Variants in TBC1D19 observed in about 807,000 individuals in gnomAD.
TBC1D19 encodes the protein TBC1 domain family, member 19.
Under a neutral mutation model 89.0 loss-of-function variants are expected in TBC1D19, and 60 were observed. The ratio of observed to expected loss-of-function variants is 0.67; its 90% CI spans 0.55 to 0.84. The LOEUF is 0.84. Ranked by LOEUF, TBC1D19 falls within the 40% of genes least tolerant of loss-of-function variation. The probability of loss-of-function intolerance (pLI) is 0.00; values close to 1 mark genes in which losing one functional copy is unlikely to be tolerated. For synonymous variants in TBC1D19, 189 were observed against 199.7 expected (o/e 0.95, Z 0.45); for missense variants, 500 against 610.8 (o/e 0.82, Z 1.91).
the TBC1D19 span, among the ~76,000 whole-genome samples, chr4:26,808,372 G>T: frequency 3.3e-5 from 5 of 152,242 alleles, no homozygotes; most frequent in East Asian, 5.8e-4. Flanking sequence ...CAGTTATGGA[G>T]CTAAGATATT....
At chr4:26,844,759 G>A in the TBC1D19 span, among the ~76,000 whole-genome samples, 3 of 151,946 alleles carry the variant, frequency 2.0e-5, no homozygotes, top group Non-Finnish European at 4.4e-5. Flanking sequence ...TTTATTAATG[G>A]TACCACTATT....
At chr4:26,760,501 C>T (rs1256050424), downstream of TBC1D19, among the ~76,000 whole-genome samples, 1 of 152,028 alleles carries the variant, frequency 6.6e-6, no homozygotes, top group African/African-American at 2.4e-5. Flanking sequence ...TCGCTTGAGG[C>T]TGGGGGTTAA....
intron 8 of TBC1D19, among the ~76,000 whole-genome samples, chr4:26,666,129 G>A (rs1711789091): frequency 6.6e-6 from 1 of 151,592 alleles, no homozygotes; most frequent in Admixed American, 6.6e-5. Flanking sequence ...AGTAATCACT[G>A]GTTATTCTAT....
chr4:26,844,202 C>G, the TBC1D19 span, among the ~76,000 whole-genome samples: 1 of 152,194 alleles, frequency 6.6e-6, no homozygotes, highest in Admixed American at 6.5e-5. Context: ...GCCAGTACTT[C>G]AACGTCATCC....
At chr4:26,652,843 AG>A (rs1281266943) in intron 7 of TBC1D19, among the ~76,000 whole-genome samples, 1 of 152,086 alleles carries the variant, frequency 6.6e-6, no homozygotes, top group African/African-American at 2.4e-5. Context: ...GGTTTTTTGA[AG>A]GGTTTTTTGT....
At chr4:26,586,049 T>A (rs1286202444) in intron 1 of TBC1D19, among the ~76,000 whole-genome samples, 2 of 152,072 alleles carry the variant, frequency 1.3e-5, no homozygotes, top group African/African-American at 4.8e-5. Context: ...TTCTACTATG[T>A]TTGTTTGTTC....
the TBC1D19 span, among the ~76,000 whole-genome samples, chr4:26,841,540 T>C: frequency 2.0e-5 from 3 of 152,182 alleles, no homozygotes; most frequent in African/African-American, 7.2e-5. Flanking sequence ...AAAGTGGAGA[T>C]GCCTGACTTG....
intron 13 of TBC1D19, among the ~76,000 whole-genome samples, chr4:26,713,335 A>G (rs1027972098): frequency 3.9e-5 from 6 of 152,044 alleles, no homozygotes; most frequent in African/African-American, 1.4e-4. Flanking sequence ...ATTCATTTTT[A>G]TACTTTTTAT....
chr4:26,659,423 T>C (rs1423410673), intron 7 of TBC1D19, among the ~76,000 whole-genome samples, 174 bp from the exon 8 acceptor site: 1 of 152,122 alleles, frequency 6.6e-6, no homozygotes, highest in Non-Finnish European at 1.5e-5. Flanking sequence ...TTTATGGCAT[T>C]ATATATTAAC....
Position 26,755,033 on chromosome 4 carries a change from A to C in TBC1D19, c.*86A>C. 1.6e-6 allele frequency: 2 copies of C among 1,233,468 alleles called. No homozygotes were observed. Among genetic ancestry groups the C allele is most frequent in the Non-Finnish European group, 2.2e-6 (2 of 892,916 alleles). The allele number at this position is 1,233,468 out of a possible 1,614,324, so 76.4% of individuals were successfully genotyped here. On this transcript the variant is annotated 3_prime_UTR_variant, in exon 21 of 21. Transcript: ENST00000264866. ...GCAAACTCTGCATAAAACCAAAATG[A>C]AACTTTGCATATAAGCCAATAAAGA...
At chr4:26,711,798 A>G (rs1248984554) in intron 13 of TBC1D19, among the ~76,000 whole-genome samples, 2 of 152,068 alleles carry the variant, frequency 1.3e-5, no homozygotes, top group Non-Finnish European at 2.9e-5. Flanking sequence ...TTACAATTGA[A>G]CTGTCATTTC....
chr4:26,682,070 T>A (rs1713392516), intron 11 of TBC1D19, among the ~76,000 whole-genome samples: 1 of 152,202 alleles, frequency 6.6e-6, no homozygotes, highest in South Asian at 2.1e-4. Flanking sequence ...TTGTTTCACT[T>A]GTTTTAATGG....
At chr4:26,667,758 T>A (rs1411878578) in intron 9 of TBC1D19, among the ~76,000 whole-genome samples, 1 of 151,990 alleles carries the variant, frequency 6.6e-6, no homozygotes, top group African/African-American at 2.4e-5. Flanking sequence ...ATTCATTCAC[T>A]CATATTCATA....
chr4:26,592,883 G>A (rs1345148063), intron 1 of TBC1D19, among the ~76,000 whole-genome samples: 1 of 152,160 alleles, frequency 6.6e-6, no homozygotes, highest in East Asian at 1.9e-4. Flanking sequence ...TGGGTGGGAA[G>A]AATCAATATC....
intron 4 of TBC1D19, among the ~76,000 whole-genome samples, chr4:26,636,714 T>C (rs1438246562): frequency 1.3e-5 from 2 of 152,074 alleles, no homozygotes; most frequent in Non-Finnish European, 2.9e-5. Context: ...TATTGTGATA[T>C]GTTGGAAAAT....
chr4:26,706,452 A>G (rs1398468619), intron 13 of TBC1D19, among the ~76,000 whole-genome samples: 1 of 151,688 alleles, frequency 6.6e-6, no homozygotes. Context: ...AGGTTTGTTA[A>G]TTTTGTTGAA....
intron 15 of TBC1D19, among the ~76,000 whole-genome samples, chr4:26,722,101 C>T (rs1717017375): frequency 6.6e-6 from 1 of 152,098 alleles, no homozygotes; most frequent in East Asian, 1.9e-4. Context: ...TAGTTCAGAG[C>T]CATATCATTC....
chr4:26,673,971 T>C (rs1439883441), intron 11 of TBC1D19, 83 bp downstream of exon 11: 3 of 782,744 alleles, frequency 3.8e-6, no homozygotes, highest in Middle Eastern at 2.5e-4. Context: ...TTGAAAAAAC[T>C]TTTGTTTCTT....
intron 13 of TBC1D19, among the ~76,000 whole-genome samples, chr4:26,701,374 A>G (rs1274239888): frequency 6.6e-6 from 1 of 151,918 alleles, no homozygotes; most frequent in Admixed American, 6.5e-5. Context: ...ACTGTGTAGT[A>G]CTTTCCATAC....
Sources: gnomAD v4.1 joint callset for allele counts (sites outside exome capture counted in the v4.1 genomes callset) on GRCh38, gnomAD v4.1.1 for gene constraint, MANE v1.5 for transcripts, NCBI Gene and HGNC (gene_info 2026-07-23, HGNC 2026-07-21) for gene names.